Variants in SGCD observed in about 807,000 individuals in gnomAD.
The protein encoded by SGCD is sarcoglycan delta.
SGCD carries 18 observed loss-of-function variants against 36.6 expected under a neutral mutation model. That is an observed-to-expected ratio of 0.49 (90% CI 0.34 to 0.73). SGCD has a LOEUF of 0.73. SGCD is among the 30% of genes least tolerant of loss of function. SGCD has a pLI of 0.01. For synonymous variants in SGCD, 133 were observed against 130.6 expected (o/e 1.02, Z -0.12); for missense variants, 387 against 346.7 (o/e 1.12, Z -0.92).
chr5:155,842,114 A>G, the SGCD span, among the ~76,000 whole-genome samples: 6 of 152,280 alleles, frequency 3.9e-5, no homozygotes, highest in East Asian at 9.6e-4. Context: ...GAGGAAAGAT[A>G]GGGGAAGAAA....
chr5:156,078,404 T>A (rs1760848836), intron 1 of SGCD, among the ~76,000 whole-genome samples: 1 of 150,928 alleles, frequency 6.6e-6, no homozygotes, highest in Non-Finnish European at 1.5e-5. Flanking sequence ...TCCCAGCTAC[T>A]CAGGAGGCTG....
At chr5:155,895,314 C>T (rs1756226166) in intron 1 of SGCD, among the ~76,000 whole-genome samples, 1 of 152,160 alleles carries the variant, frequency 6.6e-6, no homozygotes, top group Non-Finnish European at 1.5e-5. Context: ...TGATTGGATC[C>T]TTTCTCTTCA....
chr5:155,855,242 G>A, the SGCD span, among the ~76,000 whole-genome samples: 15 of 152,136 alleles, frequency 9.9e-5, no homozygotes, highest in Admixed American at 5.2e-4. Flanking sequence ...ACTGGTGGGA[G>A]TTTTTTAAAT....
At chr5:156,473,536 G>A (rs1385451767) in intron 3 of SGCD, among the ~76,000 whole-genome samples, 1 of 152,178 alleles carries the variant, frequency 6.6e-6, no homozygotes, top group Non-Finnish European at 1.5e-5. Flanking sequence ...GACTGCAATT[G>A]ACTGTGGGTA....
intron 3 of SGCD, among the ~76,000 whole-genome samples, chr5:156,239,008 T>A (rs1403716698): frequency 6.6e-6 from 1 of 152,124 alleles, no homozygotes; most frequent in Non-Finnish European, 1.5e-5. Flanking sequence ...CTCAGCACTG[T>A]GGAAAAGTGG....
chr5:156,099,803 AT>A (rs1196548206), intron 1 of SGCD, among the ~76,000 whole-genome samples: 1 of 151,974 alleles, frequency 6.6e-6, no homozygotes, highest in African/African-American at 2.4e-5. Context: ...ATTATTATAA[AT>A]AATAAATAAT....
At chr5:156,318,179 T>A (rs1288643853) in intron 3 of SGCD, among the ~76,000 whole-genome samples, 1 of 152,192 alleles carries the variant, frequency 6.6e-6, no homozygotes, top group African/African-American at 2.4e-5. Flanking sequence ...AATTTTTAAA[T>A]TTAGCATGAG....
the SGCD span, among the ~76,000 whole-genome samples, chr5:155,807,430 A>C: frequency 6.6e-6 from 1 of 152,224 alleles, no homozygotes; most frequent in Admixed American, 6.5e-5. Context: ...TTGTGTTTTA[A>C]TTCCTCCAGT....
intron 1 of SGCD, among the ~76,000 whole-genome samples, chr5:156,017,049 C>A (rs1447960223): frequency 6.6e-6 from 1 of 152,142 alleles, no homozygotes; most frequent in Non-Finnish European, 1.5e-5. Context: ...TTTTCAATAG[C>A]CTCACCAATA....
chr5:156,220,851 A>T (rs1032073371), intron 3 of SGCD, among the ~76,000 whole-genome samples: 1 of 152,124 alleles, frequency 6.6e-6, no homozygotes, highest in African/African-American at 2.4e-5. Context: ...ACTGAATTTA[A>T]TACTTGTTGT....
chr5:156,265,756 C>T (rs1052868288), intron 3 of SGCD, among the ~76,000 whole-genome samples: 3 of 151,848 alleles, frequency 2.0e-5, no homozygotes, highest in African/African-American at 7.3e-5. Context: ...CTTTGCAAAT[C>T]ACCAAATGAA....
At chr5:156,587,663 G>A (rs1251547334) in intron 4 of SGCD, among the ~76,000 whole-genome samples, 1 of 152,040 alleles carries the variant, frequency 6.6e-6, no homozygotes, top group Admixed American at 6.5e-5. Flanking sequence ...ACATTAGACA[G>A]CCCACAATTT....
intron 3 of SGCD, among the ~76,000 whole-genome samples, chr5:156,476,646 C>T (rs1025919288): frequency 1.3e-5 from 2 of 152,098 alleles, no homozygotes; most frequent in African/African-American, 2.4e-5. Context: ...ATAATGCTTC[C>T]GTAGCTAAAT....
At chr5:155,849,540 T>C in the SGCD span, among the ~76,000 whole-genome samples, 2 of 152,156 alleles carry the variant, frequency 1.3e-5, no homozygotes, top group African/African-American at 4.8e-5. Flanking sequence ...GTGGACTCTT[T>C]AATGGTAGCT....
chr5:156,295,181 T>C (rs1766863098), intron 3 of SGCD, among the ~76,000 whole-genome samples: 1 of 152,218 alleles, frequency 6.6e-6, no homozygotes, highest in African/African-American at 2.4e-5. Flanking sequence ...GATTTTCTAT[T>C]TCTGCCTGGC....
chr5:156,286,863 G>A (rs1766614395), intron 3 of SGCD, among the ~76,000 whole-genome samples: 2 of 151,978 alleles, frequency 1.3e-5, no homozygotes, highest in South Asian at 4.1e-4. Flanking sequence ...GATAGGGTCA[G>A]TCAGGGTGTC....
At chr5:156,599,656 A>C (rs1761086464) in intron 6 of SGCD, among the ~76,000 whole-genome samples, 1 of 152,204 alleles carries the variant, frequency 6.6e-6, no homozygotes, top group African/African-American at 2.4e-5. Context: ...AAAAGACTAG[A>C]AGCTCAATTA....
At chr5:156,475,620 C>G (rs897764778) in intron 3 of SGCD, among the ~76,000 whole-genome samples, 1 of 152,104 alleles carries the variant, frequency 6.6e-6, no homozygotes, top group African/African-American at 2.4e-5. Context: ...TATTTTCTCC[C>G]CGAAGCCAAC....
At chr5:156,168,787 A>T (rs1464777851) in intron 3 of SGCD, among the ~76,000 whole-genome samples, 1 of 152,202 alleles carries the variant, frequency 6.6e-6, no homozygotes, top group Non-Finnish European at 1.5e-5. Context: ...TTTATTGAAC[A>T]CCTGTTCTAT....
Sources: allele counts gnomAD v4.1 joint callset (sites outside exome capture counted in the v4.1 genomes callset), GRCh38; gene constraint gnomAD v4.1.1; transcripts MANE v1.5; gene names NCBI Gene and HGNC (gene_info 2026-07-23, HGNC 2026-07-21).